The following ABCC9 variants were observed in gnomAD, a reference collection of about 807,000 sequenced individuals.
The protein encoded by ABCC9 is ATP-binding cassette sub-family C member 9.
A neutral mutation model predicts 188.3 loss-of-function variants in ABCC9; 95 were observed. The ratio of observed to expected loss-of-function variants is 0.50; its 90% CI spans 0.43 to 0.60. The LOEUF is 0.60. Ranked by LOEUF, ABCC9 falls within the 20% of genes least tolerant of loss-of-function variation. The pLI, the probability that ABCC9 is intolerant of heterozygous loss-of-function variation, is 0.00. For missense variants in ABCC9, 1,102 were observed against 1,876.3 expected, an observed-to-expected ratio of 0.59 and a Z score of 7.62; for synonymous variants, 659 against 652.7, an observed-to-expected ratio of 1.01 and a Z score of -0.15.
intron 14 of ABCC9, among the ~76,000 whole-genome samples, chr12:21,892,027 T>C (rs1268183630): frequency 1.3e-5 from 2 of 152,196 alleles, no homozygotes; most frequent in Non-Finnish European, 2.9e-5. Context: ...CTGAAACTCA[T>C]TTGAGAGAAT....
rs772486631 is a variant in ABCC9 at position 21,828,955 on chromosome 12, T to C, written c.3669+3A>G. The C allele has an allele frequency of 6.2e-7, 1 of 1,612,080 alleles. No homozygotes were observed. The stretch of plus-strand genomic sequence containing the variant: ...CCATTTCGAAATCATGAAATGAACG[T>C]ACCGTCCTGACCTCCAGCCATCTGT... On this transcript the variant is annotated splice_donor_region_variant and intron_variant, in intron 31 of 39. Coordinates refer to ENST00000261200, the MANE Select transcript of ABCC9 (RefSeq NM_020297.4).
chr12:21,867,484 C>T (rs1945837066), intron 18 of ABCC9, among the ~76,000 whole-genome samples: 3 of 152,132 alleles, frequency 2.0e-5, no homozygotes, highest in Middle Eastern at 3.4e-3. Flanking sequence ...AAGTTAAAGT[C>T]GACACAGTGT....
chr12:21,921,156 C>T lies in ABCC9; in HGVS notation c.407-4053G>A, dbSNP rs554788001. On this transcript the variant is annotated intron_variant, in intron 5 of 39. Coordinates refer to ENST00000261200, the MANE Select transcript of ABCC9 (RefSeq NM_020297.4). ...TTTAAGGAACCTACAAACTGTTCTTCATAGTGGTTGTACTAATTTACATTT... is the reference window on the plus strand; with the variant it reads ...TTTAAGGAACCTACAAACTGTTCTTTATAGTGGTTGTACTAATTTACATTT... Among the ~76,000 whole-genome samples the T allele has an allele frequency of 5.3e-5, 8 of 152,140 alleles. No individual in the cohort carries two copies. In the South Asian group the frequency reaches 1.5e-3, roughly 28 times the overall value.
chr12:21,912,549 A>G (rs544933992), intron 8 of ABCC9, among the ~76,000 whole-genome samples: 36 of 152,196 alleles, frequency 2.4e-4, no homozygotes, highest in Non-Finnish European at 4.9e-4. Context: ...AAAATTCTTT[A>G]AAGAGTTCCT....
intron 5 of ABCC9, among the ~76,000 whole-genome samples, chr12:21,920,091 T>C (rs1457771481): frequency 6.6e-6 from 1 of 152,036 alleles, no homozygotes; most frequent in Non-Finnish European, 1.5e-5. Context: ...GAAAACTTAC[T>C]AGGCAAATAA....
At chr12:21,846,978 A>G (rs929232925) in intron 25 of ABCC9, among the ~76,000 whole-genome samples, 2 of 151,572 alleles carry the variant, frequency 1.3e-5, no homozygotes, top group Non-Finnish European at 2.9e-5. Context: ...TTAAGACTCA[A>G]CTCCTTTCTC....
At chr12:21,812,755 G>A (rs751981253) in intron 35 of ABCC9, among the ~76,000 whole-genome samples, 2 of 152,016 alleles carry the variant, frequency 1.3e-5, no homozygotes, top group Admixed American at 1.3e-4. Context: ...TGTAGATGAT[G>A]GGTTGATGGG....
chr12:21,901,056 A>G (rs1947720721), intron 12 of ABCC9, among the ~76,000 whole-genome samples: 1 of 151,928 alleles, frequency 6.6e-6, no homozygotes, highest in Non-Finnish European at 1.5e-5. Flanking sequence ...GCCAGAGAGA[A>G]AGGTCGGGTT....
At chr12:21,911,644 A>T (rs1013266510) in intron 8 of ABCC9, among the ~76,000 whole-genome samples, 1 of 152,012 alleles carries the variant, frequency 6.6e-6, no homozygotes, top group African/African-American at 2.4e-5. Context: ...TTGACTAAGT[A>T]CATTACATCA....
chr12:21,922,751 CTTTTT>C (rs143763191), intron 5 of ABCC9, among the ~76,000 whole-genome samples: 1 of 119,120 alleles, frequency 8.4e-6, no homozygotes, highest in African/African-American at 3.0e-5. Context: ...TTTTTTTTTT[CTTTTT>C]TTTTTTTTTT....
At chr12:21,844,576 A>G in intron 27 of ABCC9, 24 bp from the exon 28 acceptor site, 2 of 1,607,346 alleles carry the variant, frequency 1.2e-6, no homozygotes, top group African/African-American at 1.3e-5. Context: ...AGATGGAAGT[A>G]TATGATAATA....
At position 21,912,911 on chromosome 12, in the gene ABCC9, A is replaced by G; in HGVS notation, c.972T>C (p.Arg324=). 1 of 1,613,636 alleles carries G rather than the reference A, an allele frequency of 6.2e-7. No individual in the cohort carries two copies. Among genetic ancestry groups the G allele is most frequent in the Non-Finnish European group, 8.5e-7 (1 of 1,179,702 alleles). Reference sequence around the variant, plus strand: ...TTGTCCCATTCTGGGTTTCATTCACACGCTGAACTATTCCAGAAATACAAA... The same window carrying G: ...TTGTCCCATTCTGGGTTTCATTCACGCGCTGAACTATTCCAGAAATACAAA... ...GPLCISGIVQ[R]VNETQNGTNN... is the part of the protein sequence containing the mutation. The change falls in exon 8 of 40, where the codon CGT becomes CGC. Residue 324 remains arginine (R), a synonymous_variant. Coordinates refer to ENST00000261200, the MANE Select transcript of ABCC9 (RefSeq NM_020297.4).
At chr12:21,860,490 T>C (rs993116643) in intron 21 of ABCC9, among the ~76,000 whole-genome samples, 2 of 152,214 alleles carry the variant, frequency 1.3e-5, no homozygotes, top group Non-Finnish European at 2.9e-5. Context: ...GATTAAAACA[T>C]TGTAGACGTT....
intron 22 of ABCC9, among the ~76,000 whole-genome samples, chr12:21,854,058 CA>C (rs1389470793): frequency 1.3e-5 from 2 of 152,228 alleles, no homozygotes; most frequent in Admixed American, 6.5e-5. Flanking sequence ...CTACTACACA[CA>C]GGCTACATGT....
At chr12:21,834,786 TACACACACACACACACACAC>T (rs61211269) in intron 30 of ABCC9, among the ~76,000 whole-genome samples, 1 of 141,506 alleles carries the variant, frequency 7.1e-6, no homozygotes, top group Non-Finnish European at 1.5e-5. Flanking sequence ...TATAACATTA[TACACACACACACACACACAC>T]ACACACACAC....
chr12:21,919,996 C>T (rs1268558857), intron 5 of ABCC9, among the ~76,000 whole-genome samples: 1 of 151,980 alleles, frequency 6.6e-6, no homozygotes, highest in Non-Finnish European at 1.5e-5. Context: ...ATACAATTTT[C>T]CTAATGGATA....
rs1480101829 is a variant in ABCC9 at position 21,848,184 on chromosome 12, T to C, written c.2832A>G (p.Arg944=). 1 of 1,613,598 alleles carries C rather than the reference T, an allele frequency of 6.2e-7. No homozygotes were observed. Among genetic ancestry groups the C allele is most frequent in the Non-Finnish European group, 8.5e-7 (1 of 1,179,676 alleles). Residue 944 remains arginine, a synonymous_variant, in exon 25 of 40, where the codon AGA becomes AGG. Transcript: ENST00000261200. ...RKTLRRAMYS[R]EAKAQMEDED... is the part of the protein sequence containing the mutation. ...CGTCCTCCATCTGGGCTTTGGCTTCTCTTGAATACATGGCCCGTCGGAGAG... is the reference window on the plus strand; with the variant it reads ...CGTCCTCCATCTGGGCTTTGGCTTCCCTTGAATACATGGCCCGTCGGAGAG...
intron 18 of ABCC9, among the ~76,000 whole-genome samples, chr12:21,869,141 C>T (rs536964137): frequency 1.3e-5 from 2 of 152,200 alleles, no homozygotes; most frequent in African/African-American, 2.4e-5. Context: ...AACTTCGGTC[C>T]TTTCTGCAGC....
At position 21,829,876 on chromosome 12, in the gene ABCC9, T is replaced by C. The variant is rs151210418; in HGVS notation, c.3567-816A>G. On this transcript the variant is annotated intron_variant, in intron 30 of 39. Transcript: ENST00000261200. Reference sequence around the variant, plus strand: ...TATGCATTTGCAATTGGCAAAAATATACTTTTAAAATTATCTTTTTGCCTA... The same window carrying C: ...TATGCATTTGCAATTGGCAAAAATACACTTTTAAAATTATCTTTTTGCCTA... Among the ~76,000 whole-genome samples, 350 of 152,282 alleles carry C rather than the reference T, an allele frequency of 2.3e-3. 3 individuals are homozygous for C. Among genetic ancestry groups the C allele is most frequent in the African/African-American group, 7.7e-3 (320 of 41,558 alleles).
Sources: gnomAD v4.1 joint callset for allele counts (sites outside exome capture counted in the v4.1 genomes callset) on GRCh38, gnomAD v4.1.1 for gene constraint, MANE v1.5 for transcripts, NCBI Gene and HGNC (gene_info 2026-07-23, HGNC 2026-07-21) for gene names.